The following TMEM245 variants were observed in gnomAD, a reference collection of about 807,000 sequenced individuals.
TMEM245 encodes transmembrane protein 245, also known as protein CG-2.
In TMEM245, 69 loss-of-function variants were observed where a neutral mutation model predicts 101.2. That is an observed-to-expected ratio of 0.68 (90% CI 0.56 to 0.83). The LOEUF (loss-of-function observed/expected upper bound fraction) is 0.83, where lower values mean the gene tolerates loss of function less well. TMEM245 is among the 40% of genes least tolerant of loss of function. The probability of loss-of-function intolerance (pLI) is 0.00; values close to 1 mark genes in which losing one functional copy is unlikely to be tolerated. For synonymous variants in TMEM245, 537 were observed against 449.8 expected, an observed-to-expected ratio of 1.19 and a Z score of -2.45; for missense variants, 1,075 against 1,092.8, an observed-to-expected ratio of 0.98 and a Z score of 0.23.
chr9:109,093,743 A>G (rs908449612), intron 3 of TMEM245, 152 bp from the exon 4 acceptor site: 3 of 700,240 alleles, frequency 4.3e-6, no homozygotes, highest in African/African-American at 3.6e-5. Flanking sequence ...AGAACCATTA[A>G]GAATTGACAT....
intron 9 of TMEM245, among the ~76,000 whole-genome samples, chr9:109,066,478 A>AAAT (rs869275234): frequency 2.0e-5 from 3 of 147,546 alleles, no homozygotes; most frequent in Non-Finnish European, 1.5e-5. Context: ...AAAAAAAAAA[A>AAAT]TTTCTCAGCA....
intron 8 of TMEM245, among the ~76,000 whole-genome samples, chr9:109,074,497 T>A (rs570568245): frequency 6.6e-6 from 1 of 152,250 alleles, no homozygotes; most frequent in African/African-American, 2.4e-5. Context: ...ATCGTTATCC[T>A]TTTCTGATGA....
At chr9:109,074,744 A>G (rs1163322316) in intron 8 of TMEM245, among the ~76,000 whole-genome samples, 1 of 152,208 alleles carries the variant, frequency 6.6e-6, no homozygotes, top group Non-Finnish European at 1.5e-5. Flanking sequence ...AGAACAGAAC[A>G]GAGTCTAGAT....
intron 7 of TMEM245, 112 bp from the exon 8 acceptor site, chr9:109,081,055 A>G (rs1428316901): frequency 8.8e-6 from 6 of 679,412 alleles, no homozygotes; most frequent in Non-Finnish European, 1.3e-5. Flanking sequence ...AAAGCAAATT[A>G]TGGCATAATA....
chr9:109,039,568 A>T (rs1828241244), intron 14 of TMEM245, among the ~76,000 whole-genome samples: 1 of 152,208 alleles, frequency 6.6e-6, no homozygotes. Flanking sequence ...TAGCTGAAAT[A>T]AGAGACAAGG....
intron 14 of TMEM245, among the ~76,000 whole-genome samples, chr9:109,049,091 C>A (rs1222406618): frequency 1.3e-5 from 2 of 152,182 alleles, no homozygotes; most frequent in African/African-American, 4.8e-5. Flanking sequence ...TTCTCTTAAG[C>A]AAGTGACATG....
Position 109,083,901 on chromosome 9 carries a change from CAAA to C in TMEM245, c.1344+2093_1344+2095del, listed in dbSNP as rs751739620. Among the ~76,000 whole-genome samples, 88 of 34,456 alleles carry C rather than the reference CAAA, an allele frequency of 2.6e-3. 1 individual carries two copies. The highest frequency in any genetic ancestry group is 0.015 in the East Asian group (11 of 722). The allele number at this position is 34,456 out of a possible 152,430, so 22.6% of individuals were successfully genotyped here. A position where few individuals can be genotyped will look rare whatever the true frequency, so the allele number is the denominator to read the frequency against. On this transcript the variant is annotated intron_variant, in intron 7 of 17. Transcript: ENST00000374586. Reference sequence around the variant, plus strand: ...CAAAACCCCATCTCTACTAAAAATACAAAAAAAAAAAAAAAAAAAAAAAAAAAA... The same window carrying C: ...CAAAACCCCATCTCTACTAAAAATACAAAAAAAAAAAAAAAAAAAAAAAAA...
intron 1 of TMEM245, among the ~76,000 whole-genome samples, chr9:109,117,343 C>A (rs1364978603): frequency 1.3e-5 from 2 of 151,902 alleles, no homozygotes; most frequent in African/African-American, 4.8e-5. Flanking sequence ...GTCTTGAACT[C>A]CTAACCTCAG....
chr9:109,020,431 C>T lies in TMEM245; in HGVS notation c.*29G>A. 1 of 1,612,030 alleles carries T rather than the reference C, an allele frequency of 6.2e-7. No individual in the cohort carries two copies. The highest frequency in any genetic ancestry group is 8.5e-7 in the Non-Finnish European group (1 of 1,178,146). On this transcript the variant is annotated 3_prime_UTR_variant, in exon 18 of 18. Transcript: ENST00000374586. ...GAACTCGCTGTCAAATTTGAACTTC[C>T]TAGAAAAATCACTGCAGAGGAAACC...
rs184891159 is a variant in TMEM245, at chr9:109,119,704, C to T, written c.210G>A (p.Ala70=). The change falls in exon 1 of 18, where the codon GCG becomes GCA. Residue 70 remains alanine, a synonymous_variant. Transcript: ENST00000374586. ...CCTCCAGGATGAAGTAGACCAGCAC[C>T]GCGGCGCCGCAGCACAGGCACACGA... ...VLFVCLCCGA[A]VLVYFILEAF... is the part of the protein sequence containing the mutation. 14 of 1,549,018 alleles carry T rather than the reference C, an allele frequency of 9.0e-6. No homozygotes were observed. The highest frequency in any genetic ancestry group is 2.4e-5 in the South Asian group (2 of 84,028).
At chr9:109,059,691 TA>T (rs1564185282) in intron 11 of TMEM245, among the ~76,000 whole-genome samples, 1 of 151,774 alleles carries the variant, frequency 6.6e-6, no homozygotes, top group African/African-American at 2.4e-5. Flanking sequence ...TCTCAAAAAA[TA>T]AATAAATAAA....
chr9:109,085,514 T>G (rs1007212680), intron 7 of TMEM245, among the ~76,000 whole-genome samples: 1 of 152,234 alleles, frequency 6.6e-6, no homozygotes, highest in Non-Finnish European at 1.5e-5. Flanking sequence ...TTTGAAATAC[T>G]AGTTATTTAA....
Position 109,114,017 on chromosome 9 carries a change from G to A in TMEM245, c.579+5318C>T, listed in dbSNP as rs188402317. Among the ~76,000 whole-genome samples the A allele has an allele frequency of 2.6e-5, 4 of 152,106 alleles. No homozygotes were observed. In the East Asian group the frequency reaches 5.8e-4, roughly 22 times the overall value. On this transcript the variant is annotated intron_variant, in intron 1 of 17. Transcript: ENST00000374586. The stretch of plus-strand genomic sequence containing the variant: ...CTTGAACCCGGGAGGCAGAGGTTGC[G>A]GTGAGCCGAGAACGCGCCATTGCAC...
intron 8 of TMEM245, among the ~76,000 whole-genome samples, chr9:109,074,007 C>T (rs543890648): frequency 4.5e-4 from 69 of 152,132 alleles, no homozygotes; most frequent in Admixed American, 9.8e-4. Context: ...ATTACAGGCA[C>T]TCACAACCAC....
At chr9:109,036,525 G>A (rs927382903) in intron 15 of TMEM245, 145 bp from the exon 16 acceptor site, 12 of 769,068 alleles carry the variant, frequency 1.6e-5, no homozygotes, top group Non-Finnish European at 2.3e-5. Flanking sequence ...GAAATGATAT[G>A]CCCTATCTAA....
chr9:109,119,089 T>A lies in TMEM245; in HGVS notation c.579+246A>T, dbSNP rs114605866. 8.0e-3 allele frequency among the ~76,000 whole-genome samples: 1,212 copies of A among 152,306 alleles called. 26 individuals are homozygous for A. Among genetic ancestry groups the A allele is most frequent in the African/African-American group, 0.028 (1,154 of 41,574 alleles). ...TTCTCAATCCAGGGCACTGTCCCCC[T>A]AAGAGGGCCTATTAGGATTGAAACA... is the stretch of plus-strand genomic sequence containing the variant. On this transcript the variant is annotated intron_variant, in intron 1 of 17. Transcript: ENST00000374586.
intron 1 of TMEM245, 82 bp from the exon 2 acceptor site, chr9:109,108,652 T>C (rs1830492650): frequency 9.9e-7 from 1 of 1,015,206 alleles, no homozygotes; most frequent in Non-Finnish European, 1.5e-6. Context: ...TAAGTGTCTA[T>C]ACAGCAGGAA....
In TMEM245 at chr9:109,072,939, G is replaced by A. The variant is rs569398003; in HGVS notation, c.1532+417C>T. On this transcript the variant is annotated intron_variant, in intron 9 of 17. Coordinates refer to ENST00000374586, the MANE Select transcript of TMEM245 (RefSeq NM_032012.4). The stretch of plus-strand genomic sequence containing the variant: ...GAAACTTTCCTTCAGTTGATCAGAA[G>A]CAGTGGTTATAAATGACTCTGCCAC... Among the ~76,000 whole-genome samples the A allele has an allele frequency of 2.0e-5, 3 of 152,318 alleles. No homozygotes were observed. In the East Asian group the frequency reaches 5.8e-4, roughly 29 times the overall value.
chr9:109,041,323 T>C (rs1490240060), intron 14 of TMEM245, among the ~76,000 whole-genome samples: 2 of 152,016 alleles, frequency 1.3e-5, no homozygotes, highest in East Asian at 3.9e-4. Flanking sequence ...TGCGACAACG[T>C]AGATGATCCT....
Sources: allele counts gnomAD v4.1 joint callset (sites outside exome capture counted in the v4.1 genomes callset), GRCh38; gene constraint gnomAD v4.1.1; transcripts MANE v1.5; gene names NCBI Gene and HGNC (gene_info 2026-07-23, HGNC 2026-07-21).